The following LOC400499 variants were observed in gnomAD, a reference collection of about 807,000 sequenced individuals.
chr16:11,506,856 G>C, the LOC400499 span, among the ~76,000 whole-genome samples: 2 of 152,318 alleles, frequency 1.3e-5, no homozygotes, highest in South Asian at 2.1e-4. Context: ...TGGCAACCCA[G>C]GCAGGCCCTC....
chr16:11,435,691 C>T, the LOC400499 span: 7 of 399,136 alleles, frequency 1.8e-5, no homozygotes, highest in Non-Finnish European at 2.7e-5. Flanking sequence ...CAGACAGCTG[C>T]AGCCGAACAG....
chr16:11,396,779 C>T, the LOC400499 span: 1 of 940,172 alleles, frequency 1.1e-6, no homozygotes, highest in Non-Finnish European at 1.4e-6. Flanking sequence ...ACCTCCCAGC[C>T]TCCACACCTG....
the LOC400499 span, among the ~76,000 whole-genome samples, chr16:11,521,575 T>C: frequency 6.6e-6 from 1 of 152,154 alleles, no homozygotes; most frequent in Non-Finnish European, 1.5e-5. Context: ...AGTCTATTCC[T>C]TTGTCCAAAG....
chr16:11,446,730 T>C, the LOC400499 span: 14 of 1,533,850 alleles, frequency 9.1e-6, no homozygotes, highest in African/African-American at 2.7e-5. Flanking sequence ...TTCCGGGCTA[T>C]GCCCCAGACA....
At chr16:11,387,491 G>A in the LOC400499 span, among the ~76,000 whole-genome samples, 1 of 152,198 alleles carries the variant, frequency 6.6e-6, no homozygotes, top group African/African-American at 2.4e-5. Flanking sequence ...GACAACGGAG[G>A]TGGTAGATGA....
the LOC400499 span, among the ~76,000 whole-genome samples, chr16:11,479,854 A>G: frequency 6.6e-6 from 1 of 152,144 alleles, no homozygotes; most frequent in Non-Finnish European, 1.5e-5. Flanking sequence ...CCAATCAAGC[A>G]AACCCCACTG....
the LOC400499 span, chr16:11,414,434 C>A: frequency 2.5e-6 from 1 of 400,076 alleles, no homozygotes; most frequent in Non-Finnish European, 4.4e-6. Flanking sequence ...CGTGGCCGAG[C>A]CACCAGGGCT....
chr16:11,469,802 G>A, the LOC400499 span: 2 of 396,414 alleles, frequency 5.0e-6, no homozygotes, highest in African/African-American at 4.1e-5. Flanking sequence ...AAGCTCTGCA[G>A]AACAGCCCAG....
At chr16:11,396,270 G>T in the LOC400499 span, 1 of 364,562 alleles carries the variant, frequency 2.7e-6, no homozygotes, top group Non-Finnish European at 4.8e-6. Flanking sequence ...GAAGGGCCGG[G>T]TGTTGGGACT....
the LOC400499 span, among the ~76,000 whole-genome samples, chr16:11,434,254 G>T: frequency 6.6e-6 from 1 of 152,162 alleles, no homozygotes; most frequent in African/African-American, 2.4e-5. Flanking sequence ...ATAAAGGGTG[G>T]CTCATGCCTG....
the LOC400499 span, chr16:11,460,073 G>A: frequency 1.5e-6 from 2 of 1,356,154 alleles, no homozygotes; most frequent in Non-Finnish European, 1.9e-6. Context: ...CACATGGGTG[G>A]TGAACTGCCC....
At chr16:11,425,289 T>A in the LOC400499 span, 1 of 399,116 alleles carries the variant, frequency 2.5e-6, no homozygotes, top group East Asian at 3.6e-5. Context: ...GCCCTTCAGC[T>A]GGAGCTCTCC....
the LOC400499 span, among the ~76,000 whole-genome samples, chr16:11,467,773 T>C: frequency 6.6e-6 from 1 of 151,892 alleles, no homozygotes; most frequent in Admixed American, 6.6e-5. Flanking sequence ...TATTTGCAAA[T>C]CTATAAGGTT....
the LOC400499 span, among the ~76,000 whole-genome samples, chr16:11,514,174 C>T: frequency 1.3e-5 from 2 of 152,190 alleles, no homozygotes; most frequent in African/African-American, 4.8e-5. Flanking sequence ...TTGATCTGAG[C>T]CTCAGAAAGA....
At chr16:11,387,195 G>A in the LOC400499 span, 54 of 1,232,154 alleles carry the variant, frequency 4.4e-5, no homozygotes, top group Non-Finnish European at 2.3e-5. Context: ...CGGAGCGGCC[G>A]CAGCAGCTTC....
chr16:11,441,913 G>A, the LOC400499 span, among the ~76,000 whole-genome samples: 2 of 152,182 alleles, frequency 1.3e-5, no homozygotes, highest in Non-Finnish European at 2.9e-5. Context: ...AATCTGTGGC[G>A]TTTTAAACCA....
At chr16:11,503,804 C>T in the LOC400499 span, among the ~76,000 whole-genome samples, 3 of 152,212 alleles carry the variant, frequency 2.0e-5, no homozygotes, top group Non-Finnish European at 4.4e-5. Context: ...GCAGGACCCA[C>T]AAGCCAGCCC....
At chr16:11,392,898 G>C in the LOC400499 span, 1 of 715,766 alleles carries the variant, frequency 1.4e-6, no homozygotes, top group Non-Finnish European at 1.7e-6. Context: ...CTGTCGCCTA[G>C]GCTGGTGTGT....
the LOC400499 span, among the ~76,000 whole-genome samples, chr16:11,412,307 A>G: frequency 4.4e-4 from 67 of 152,176 alleles, no homozygotes; most frequent in African/African-American, 1.6e-3. Flanking sequence ...TAAGATGCTT[A>G]GCAGCATCCG....
Sources: gnomAD v4.1 joint callset for allele counts (sites outside exome capture counted in the v4.1 genomes callset) on GRCh38, gnomAD v4.1.1 for gene constraint, MANE v1.5 for transcripts.